The following RPRD2 variants were observed in gnomAD, a reference collection of about 807,000 sequenced individuals.
The protein encoded by RPRD2 is regulation of nuclear pre-mRNA domain containing 2, also known as regulation of nuclear pre-mRNA domain-containing protein 2.
Under a neutral mutation model 104.4 loss-of-function variants are expected in RPRD2, and 12 were observed. The observed-to-expected ratio is 0.11, with a 90% CI of 0.07 to 0.19. The LOEUF is 0.19. Ranked by LOEUF, RPRD2 falls within the 10% of genes least tolerant of loss-of-function variation. The probability of loss-of-function intolerance (pLI) is 1.00; values close to 1 mark genes in which losing one functional copy is unlikely to be tolerated. For missense variants in RPRD2, 1,543 were observed against 1,790.1 expected (o/e 0.86, Z 2.49); for synonymous variants, 714 against 684.9 (o/e 1.04, Z -0.66).
chr1:150,384,426 A>G (rs185183783), intron 1 of RPRD2, among the ~76,000 whole-genome samples: 162 of 148,902 alleles, frequency 1.1e-3, no homozygotes, highest in African/African-American at 3.7e-3. Flanking sequence ...TGGAAAAGAC[A>G]GAAGGAATAA....
At chr1:150,394,855 A>G (rs1411004481) in intron 1 of RPRD2, among the ~76,000 whole-genome samples, 2 of 152,228 alleles carry the variant, frequency 1.3e-5, no homozygotes, top group African/African-American at 4.8e-5. Flanking sequence ...TGTTGGGATT[A>G]CAGGCGTGAG....
intron 1 of RPRD2, among the ~76,000 whole-genome samples, chr1:150,409,608 GAA>G (rs1553887269): frequency 2.0e-5 from 3 of 150,300 alleles, no homozygotes; most frequent in Non-Finnish European, 4.4e-5. Flanking sequence ...ATAAAGCAAA[GAA>G]GGGTGGTAAG....
intron 10 of RPRD2, among the ~76,000 whole-genome samples, chr1:150,466,374 T>C (rs1553899985): frequency 2.0e-5 from 2 of 98,468 alleles, no homozygotes; most frequent in Non-Finnish European, 4.4e-5. Flanking sequence ...CAAGACTCTG[T>C]CTCAAAAAAA....
chr1:150,383,686 C>T (rs1661328387), intron 1 of RPRD2, among the ~76,000 whole-genome samples: 1 of 151,984 alleles, frequency 6.6e-6, no homozygotes, highest in Non-Finnish European at 1.5e-5. Flanking sequence ...ATAATAGAAA[C>T]AAGGAGTATA....
chr1:150,464,385 TGTCA>T, intron 9 of RPRD2, 138 bp from the exon 10 acceptor site: 2 of 515,958 alleles, frequency 3.9e-6, no homozygotes, highest in African/African-American at 2.1e-5. Context: ...TTTTTGTACA[TGTCA>T]TGTTATGATG....
At chr1:150,406,756 C>G (rs1352891221) in intron 1 of RPRD2, among the ~76,000 whole-genome samples, 1 of 152,074 alleles carries the variant, frequency 6.6e-6, no homozygotes, top group African/African-American at 2.4e-5. Flanking sequence ...CTTTTGTTGC[C>G]CAGACTGGAG....
chr1:150,459,832 G>A (rs782675379), intron 8 of RPRD2, among the ~76,000 whole-genome samples: 2 of 152,086 alleles, frequency 1.3e-5, no homozygotes, highest in Non-Finnish European at 2.9e-5. Context: ...GACCTCACAT[G>A]AGCCATTGTC....
At chr1:150,464,457 G>T in intron 9 of RPRD2, 70 bp from the exon 10 acceptor site, 2 of 1,187,552 alleles carry the variant, frequency 1.7e-6, no homozygotes, top group Non-Finnish European at 2.4e-6. Flanking sequence ...ACTCATTGAA[G>T]TGAGGGGAAG....
chr1:150,415,383 A>G (rs1664258502), intron 1 of RPRD2, among the ~76,000 whole-genome samples: 1 of 151,964 alleles, frequency 6.6e-6, no homozygotes, highest in Non-Finnish European at 1.5e-5. Flanking sequence ...TCAAATTAAA[A>G]TACAAGAAGC....
In RPRD2 at chr1:150,473,423, CTT is replaced by C. The variant is rs985766795; in HGVS notation, c.*91_*92del. The C allele has an allele frequency of 3.0e-6, 4 of 1,343,018 alleles. No homozygotes were observed. Among genetic ancestry groups the C allele is most frequent in the African/African-American group, 2.9e-5 (2 of 68,628 alleles). 83.2% of individuals were successfully genotyped at this position (1,343,018 alleles called of 1,614,324 possible). On this transcript the variant is annotated 3_prime_UTR_variant, in exon 11 of 11. Coordinates refer to ENST00000369068, the MANE Select transcript of RPRD2 (RefSeq NM_015203.5). The stretch of plus-strand genomic sequence containing the variant: ...TTGTTGTTGTTTTTATTTGTTTTCT[CTT>C]TCTCGATTTTTTTTTTATTATAACA...
intron 1 of RPRD2, among the ~76,000 whole-genome samples, chr1:150,377,754 T>C (rs962215530): frequency 1.3e-5 from 2 of 152,196 alleles, no homozygotes; most frequent in Non-Finnish European, 2.9e-5. Context: ...CTGAGGATCC[T>C]TACTAGCTAT....
At chr1:150,426,744 G>A (rs587682501) in intron 2 of RPRD2, among the ~76,000 whole-genome samples, 6 of 152,212 alleles carry the variant, frequency 3.9e-5, no homozygotes, top group African/African-American at 1.4e-4. Context: ...ATTGTTCAAT[G>A]GGTATAGAGT....
chr1:150,440,123 T>A (rs12119320), intron 2 of RPRD2, among the ~76,000 whole-genome samples: 12,461 of 152,196 alleles, frequency 0.082, 680 homozygotes, highest in Non-Finnish European at 0.12. Context: ...TTTTTTCATT[T>A]TTAGTAGAGA....
intron 1 of RPRD2, among the ~76,000 whole-genome samples, chr1:150,408,565 A>T (rs1225960619): frequency 6.6e-6 from 1 of 152,136 alleles, no homozygotes; most frequent in Non-Finnish European, 1.5e-5. Context: ...TTATTTACAG[A>T]CATGTACTTA....
Position 150,471,808 on chromosome 1 carries a change from C to T in RPRD2, c.2860C>T (p.His954Tyr), listed in dbSNP as rs760223285. The change falls in exon 11 of 11, where the codon CAT becomes TAT. Residue 954 changes from histidine to tyrosine, a missense_variant. Physicochemically the swap from His to Tyr is moderately conservative, Grantham distance 83. Coordinates refer to ENST00000369068, the MANE Select transcript of RPRD2 (RefSeq NM_015203.5). This position sits in a 1 kb window ranked among gnomAD's most constrained non-coding sequence, Gnocchi z 5.3. The part of the protein sequence containing the change: ...HNSLSQSTTG[H>Y]LSLPQKQYPD... Reference sequence around the variant, plus strand: ...TAGCTTGTCTCAATCTACCACTGGGCATCTCAGTTTGCCACAGAAGCAGTA... The same window carrying T: ...TAGCTTGTCTCAATCTACCACTGGGTATCTCAGTTTGCCACAGAAGCAGTA... 1 of 1,613,926 alleles carries T rather than the reference C, an allele frequency of 6.2e-7. No individual in the cohort carries two copies. The highest frequency in any genetic ancestry group is 2.2e-5 in the East Asian group (1 of 44,872).
chr1:150,461,682 A>T (rs1240202781), intron 9 of RPRD2, among the ~76,000 whole-genome samples: 3 of 151,968 alleles, frequency 2.0e-5, no homozygotes, highest in Non-Finnish European at 4.4e-5. Context: ...ATCTCTACTT[A>T]AAAAAACAAA....
chr1:150,422,548 C>A (rs587638908), intron 2 of RPRD2, among the ~76,000 whole-genome samples: 1 of 151,796 alleles, frequency 6.6e-6, no homozygotes, highest in Non-Finnish European at 1.5e-5. Context: ...AGAAAAAATT[C>A]ACTTAATAGG....
At chr1:150,428,454 CAAAAAAAAAA>C (rs34596290) in intron 2 of RPRD2, among the ~76,000 whole-genome samples, 2,330 of 71,292 alleles carry the variant, frequency 0.033, 76 homozygotes, top group African/African-American at 0.096. Context: ...GACTCTGTCT[CAAAAAAAAAA>C]AAAAAAAAAA....
chr1:150,476,413 G>A lies in RPRD2; in HGVS notation c.*3079G>A, dbSNP rs1396782877. 6.6e-6 allele frequency: 1 copy of A among 152,134 alleles called. No individual in the cohort carries two copies. Among genetic ancestry groups the A allele is most frequent in the Non-Finnish European group, 1.5e-5 (1 of 68,022 alleles). The allele number at this position is 152,134 out of a possible 1,614,324, so 9.4% of individuals were successfully genotyped here. ...CCCCACTATTTTTTTTAAGTGGGCG[G>A]GGGCGCCTGTTAAGATCTAAAATAG... On this transcript the variant is annotated 3_prime_UTR_variant, in exon 11 of 11. Coordinates refer to ENST00000369068, the MANE Select transcript of RPRD2 (RefSeq NM_015203.5).
Sources: allele counts gnomAD v4.1 joint callset (sites outside exome capture counted in the v4.1 genomes callset), GRCh38; gene constraint gnomAD v4.1.1; non-coding constraint Gnocchi (gnomAD v3.1); transcripts MANE v1.5; gene names NCBI Gene and HGNC (gene_info 2026-07-23, HGNC 2026-07-21).